Variants in GLRA1 observed in about 807,000 individuals in gnomAD.
GLRA1 encodes the protein glycine receptor subunit alpha-1.
A neutral mutation model predicts 48.3 loss-of-function variants in GLRA1; 37 were observed. That is an observed-to-expected ratio of 0.77 (90% CI 0.59 to 1.01). The LOEUF (loss-of-function observed/expected upper bound fraction) is 1.01. GLRA1 is among the 50% of genes least tolerant of loss of function. GLRA1 has a pLI of 0.00. For synonymous variants in GLRA1, 196 were observed against 210.7 expected, an observed-to-expected ratio of 0.93 and a Z score of 0.60; for missense variants, 427 against 571.0, an observed-to-expected ratio of 0.75 and a Z score of 2.57.
intron 3 of GLRA1, among the ~76,000 whole-genome samples, chr5:151,881,483 T>C (rs1319272404): frequency 7.1e-6 from 1 of 140,460 alleles, no homozygotes; most frequent in African/African-American, 2.7e-5. Flanking sequence ...TGTGCCACCA[T>C]GCCCTGCAAT....
intron 3 of GLRA1, among the ~76,000 whole-genome samples, chr5:151,878,743 A>G (rs781605777): frequency 6.6e-6 from 1 of 152,206 alleles, no homozygotes; most frequent in Non-Finnish European, 1.5e-5. Flanking sequence ...TCCACGTGGC[A>G]TTGAGCCTGC....
chr5:151,885,162 G>T (rs1284585315), intron 3 of GLRA1, among the ~76,000 whole-genome samples: 2 of 152,210 alleles, frequency 1.3e-5, no homozygotes, highest in African/African-American at 4.8e-5. Flanking sequence ...GGACTGAAAG[G>T]TTGGATGTAA....
At chr5:151,893,755 A>C (rs938010492) in intron 1 of GLRA1, among the ~76,000 whole-genome samples, 2 of 152,112 alleles carry the variant, frequency 1.3e-5, no homozygotes, top group African/African-American at 4.8e-5. Context: ...TATCCAGTCT[A>C]TCATTGATGG....
At chr5:151,894,151 G>A (rs116271058) in intron 1 of GLRA1, among the ~76,000 whole-genome samples, 2,158 of 150,622 alleles carry the variant, frequency 0.014, 63 homozygotes, top group African/African-American at 0.05. Context: ...GTGTGTGTGC[G>A]TGTGTGTGTG....
At position 151,866,671 on chromosome 5, in the gene GLRA1, A is replaced by C. The variant is rs1753344736; in HGVS notation, c.253-6663T>G. ...CAATCCAACTCTATTAACATTTATG[A>C]GGCTGATTGGGAGTACAGTTGACGG... is the stretch of plus-strand genomic sequence containing the variant. On this transcript the variant is annotated intron_variant, in intron 3 of 8. Transcript: ENST00000274576. Among the ~76,000 whole-genome samples, 5 of 152,092 alleles carry C rather than the reference A, an allele frequency of 3.3e-5. No individual in the cohort carries two copies. The South Asian group carries it at 1.0e-3, about 32-fold the overall frequency.
At chr5:151,851,181 A>G (rs1462021281) in intron 7 of GLRA1, among the ~76,000 whole-genome samples, 2 of 152,168 alleles carry the variant, frequency 1.3e-5, no homozygotes, top group African/African-American at 2.4e-5. Context: ...GTGTCTGGCA[A>G]CTCGTATTGA....
chr5:151,843,478 G>T (rs1455126800), intron 7 of GLRA1, among the ~76,000 whole-genome samples: 1 of 151,782 alleles, frequency 6.6e-6, no homozygotes, highest in Non-Finnish European at 1.5e-5. Flanking sequence ...AGTCAGGATG[G>T]TCTAGATCTC....
chr5:151,859,808 A>T lies in GLRA1; in HGVS notation c.453T>A (p.Asn151Lys). ...TDNKLLRISR[N>K]GNVLYSIRIT... is the part of the protein sequence containing the mutation. Reference sequence around the variant, plus strand: ...ACCTGATGCTGTAGAGGACATTCCCATTCCGGGAGATCCTTAGCAATTTGT... The same window carrying T: ...ACCTGATGCTGTAGAGGACATTCCCTTTCCGGGAGATCCTTAGCAATTTGT... Residue 151 changes from asparagine (N) to lysine (K), a missense_variant, in exon 4 of 9, where the codon AAT becomes AAA. Physicochemically the swap from Asn to Lys is moderately conservative, Grantham distance 94. Coordinates refer to ENST00000274576, the MANE Select transcript of GLRA1 (RefSeq NM_000171.4). The T allele has an allele frequency of 1.2e-6, 2 of 1,613,522 alleles. No homozygotes were observed. The highest frequency in any genetic ancestry group is 1.7e-6 in the Non-Finnish European group (2 of 1,179,464).
chr5:151,828,927 A>G lies in GLRA1; in HGVS notation c.1053T>C (p.His351=). 6.2e-7 allele frequency: 1 copy of G among 1,614,040 alleles called. No individual in the cohort carries two copies. The highest frequency in any genetic ancestry group is 8.5e-7 in the Non-Finnish European group (1 of 1,179,936). ...CAGTGACCCAAAGGCCTACCTTGTGATGTCTCCGCTTCCTCCTGAATCGGA... is the reference window on the plus strand; with the variant it reads ...CAGTGACCCAAAGGCCTACCTTGTGGTGTCTCCGCTTCCTCCTGAATCGGA... The part of the protein sequence containing the change: ...ELLRFRRKRR[H]HKEDEAGEGR... Residue 351 remains histidine, a synonymous_variant, in exon 8 of 9, where the codon CAT becomes CAC. Coordinates refer to ENST00000274576, the MANE Select transcript of GLRA1 (RefSeq NM_000171.4).
At chr5:151,859,143 G>A (rs746286091) in intron 4 of GLRA1, among the ~76,000 whole-genome samples, 1 of 152,200 alleles carries the variant, frequency 6.6e-6, no homozygotes, top group African/African-American at 2.4e-5. Context: ...AATGGTAGCT[G>A]TTATTATTAC....
rs1167005109 is a variant in GLRA1, at chr5:151,849,148, C to CTTTCT, written c.912+2237_912+2241dup. ...TCTTTCTTTCTTTCTTTCTTTCTTT[C>CTTTCT]TTTCTTTTCTTTTCTTTTCTTTCTT... On this transcript the variant is annotated intron_variant, in intron 7 of 8. Coordinates refer to ENST00000274576, the MANE Select transcript of GLRA1 (RefSeq NM_000171.4). 1.8e-4 allele frequency: 26 copies of CTTTCT among 142,956 alleles called. 1 individual carries two copies. The highest frequency in any genetic ancestry group is 1.3e-3 in the Admixed American group (13 of 10,330). 8.9% of individuals were successfully genotyped at this position (142,956 alleles called of 1,614,324 possible).
chr5:151,842,770 T>G (rs1010523057), intron 7 of GLRA1, among the ~76,000 whole-genome samples: 4 of 152,042 alleles, frequency 2.6e-5, no homozygotes, highest in Non-Finnish European at 4.4e-5. Flanking sequence ...GAAAAAGAAA[T>G]AAATGACATC....
At chr5:151,878,402 A>G (rs1753679024) in intron 3 of GLRA1, among the ~76,000 whole-genome samples, 1 of 152,192 alleles carries the variant, frequency 6.6e-6, no homozygotes, top group South Asian at 2.1e-4. Context: ...CAGCCTGACA[A>G]TGTGCTAGAA....
At chr5:151,878,757 T>C (rs2964602) in intron 3 of GLRA1, among the ~76,000 whole-genome samples, 129,949 of 152,208 alleles carry the variant, frequency 0.85, 55,635 homozygotes, top group East Asian at 0.99. Flanking sequence ...AGCCTGCGGG[T>C]GCACAGAAGT....
At chr5:151,890,027 G>T (rs1376939663) in intron 2 of GLRA1, among the ~76,000 whole-genome samples, 1 of 152,142 alleles carries the variant, frequency 6.6e-6, no homozygotes, top group Non-Finnish European at 1.5e-5. Flanking sequence ...GGGAAGGTTG[G>T]ACGGACCTTG....
intron 3 of GLRA1, among the ~76,000 whole-genome samples, chr5:151,877,219 G>A (rs78129826): frequency 2.4e-3 from 372 of 152,292 alleles, no homozygotes; most frequent in South Asian, 0.011. Flanking sequence ...GTGTTGATAC[G>A]GAAATGCAAT....
At chr5:151,895,706 T>C (rs958712096) in intron 1 of GLRA1, among the ~76,000 whole-genome samples, 1 of 151,786 alleles carries the variant, frequency 6.6e-6, no homozygotes, top group Non-Finnish European at 1.5e-5. Flanking sequence ...TGTCTCACAA[T>C]GCTTTCAGCT....
At position 151,892,383 on chromosome 5, in the gene GLRA1, G is replaced by T; in HGVS notation, c.112C>A (p.Pro38Thr). The T allele has an allele frequency of 6.2e-7, 1 of 1,613,990 alleles. No homozygotes were observed. Reference protein sequence around the residue: ...AARSAPKPMSPSDFLDKLMGR... With the variant: ...AARSAPKPMSTSDFLDKLMGR... ...ATTAGCTTATCCAGGAAATCCGAGG[G>T]TGACATAGGCTTGGGTGCGGAGCGA... The change falls in exon 2 of 9, where the codon CCC becomes ACC. Residue 38 changes from proline to threonine, a missense_variant. By Grantham distance (38) the Pro-to-Thr change is conservative. This residue lies in a region of GLRA1 where 271 missense variants were observed against 434.9 expected (regional missense o/e 0.62). Coordinates refer to ENST00000274576, the MANE Select transcript of GLRA1 (RefSeq NM_000171.4).
rs2071221 is a variant in GLRA1 at position 151,924,745 on chromosome 5, G to A, written c.-196C>T. On this transcript the variant is annotated 5_prime_UTR_variant, in exon 1 of 9. Transcript: ENST00000274576. The stretch of plus-strand genomic sequence containing the variant: ...GTAGATACCACGGACAGCGGCGGCT[G>A]CGAGGCGTTTCAGCACCACGGAGAG... 0.46 allele frequency: 297,091 copies of A among 647,816 alleles called. 70,134 individuals carry two copies. Among genetic ancestry groups the A allele is most frequent in the East Asian group, 0.6 (21,887 of 36,558 alleles). The allele number at this position is 647,816 out of a possible 1,614,324, so 40.1% of individuals were successfully genotyped here. A position where few individuals can be genotyped will look rare whatever the true frequency, so the allele number is the denominator to read the frequency against.
Sources: gnomAD v4.1 joint callset for allele counts (sites outside exome capture counted in the v4.1 genomes callset) on GRCh38, gnomAD v4.1.1 for gene constraint, gnomAD v4.1.1 regional missense constraint, MANE v1.5 for transcripts, NCBI Gene and HGNC (gene_info 2026-07-23, HGNC 2026-07-21) for gene names.